Variants in CERS6 observed in about 807,000 individuals in gnomAD.
The protein encoded by CERS6 is ceramide synthase 6.
In CERS6, 26 loss-of-function variants were observed where a neutral mutation model predicts 56.8. That is an observed-to-expected ratio of 0.46 (90% confidence interval 0.34 to 0.63). The LOEUF (loss-of-function observed/expected upper bound fraction) is 0.63. Ranked by LOEUF, CERS6 falls within the 30% of genes least tolerant of loss-of-function variation. CERS6 has a pLI of 0.01. For synonymous variants in CERS6, 164 were observed against 173.3 expected (o/e 0.95, Z 0.42); for missense variants, 415 against 467.5 (o/e 0.89, Z 1.04).
chr2:168,625,627 A>C (rs1478802694), intron 3 of CERS6, among the ~76,000 whole-genome samples: 1 of 152,156 alleles, frequency 6.6e-6, no homozygotes, highest in African/African-American at 2.4e-5. Flanking sequence ...GAAGGAGAGG[A>C]GGTAAAGAAC....
At chr2:168,520,925 A>G (rs1391409820) in intron 1 of CERS6, among the ~76,000 whole-genome samples, 1 of 152,062 alleles carries the variant, frequency 6.6e-6, no homozygotes, top group Non-Finnish European at 1.5e-5. Context: ...CTTTGAATTA[A>G]ATACTGTAAA....
chr2:168,621,229 G>A (rs1183445527), intron 3 of CERS6, among the ~76,000 whole-genome samples: 4 of 152,092 alleles, frequency 2.6e-5, no homozygotes. Flanking sequence ...ATAAACATTT[G>A]GCTACTTTTG....
At chr2:168,748,834 G>T (rs537146513) in intron 8 of CERS6, among the ~76,000 whole-genome samples, 1 of 138,902 alleles carries the variant, frequency 7.2e-6, no homozygotes, top group Non-Finnish European at 1.6e-5. Context: ...TTGGGGGTGG[G>T]GGGGGGGCAG....
chr2:168,665,597 A>G (rs1685737382), intron 4 of CERS6, among the ~76,000 whole-genome samples: 1 of 152,252 alleles, frequency 6.6e-6, no homozygotes, highest in East Asian at 1.9e-4. Context: ...TTTTTCCAAC[A>G]TGCTCATCAC....
intron 4 of CERS6, among the ~76,000 whole-genome samples, chr2:168,671,994 T>C (rs1191929595): frequency 1.3e-5 from 2 of 152,206 alleles, no homozygotes; most frequent in East Asian, 3.8e-4. Flanking sequence ...ACACCTTAGC[T>C]TCATATAAGT....
At chr2:168,669,379 C>T (rs973550918) in intron 4 of CERS6, among the ~76,000 whole-genome samples, 1 of 152,108 alleles carries the variant, frequency 6.6e-6, no homozygotes, top group Non-Finnish European at 1.5e-5. Flanking sequence ...CTTCATAGAC[C>T]AGAACTGAGT....
At chr2:168,722,758 GC>G (rs1295306823) in intron 8 of CERS6, among the ~76,000 whole-genome samples, 4 of 152,166 alleles carry the variant, frequency 2.6e-5, no homozygotes, top group Non-Finnish European at 5.9e-5. Context: ...CGTTTGCACA[GC>G]CCTTTCTCCT....
rs139183778 is a variant in CERS6 at position 168,601,955 on chromosome 2, G to A, written c.408-29030G>A. Reference sequence around the variant, plus strand: ...ATACAGAAGTAGAATATTTTTACATGACTTCTAGAAAAGGAAGCACAGATG... The same window carrying A: ...ATACAGAAGTAGAATATTTTTACATAACTTCTAGAAAAGGAAGCACAGATG... On this transcript the variant is annotated intron_variant, in intron 3 of 9. Coordinates refer to ENST00000305747, the MANE Select transcript of CERS6 (RefSeq NM_203463.3). Among the ~76,000 whole-genome samples the A allele has an allele frequency of 5.8e-3, 877 of 152,234 alleles. 11 individuals carry two copies. The highest frequency in any genetic ancestry group is 0.019 in the African/African-American group (790 of 41,514).
intron 3 of CERS6, among the ~76,000 whole-genome samples, chr2:168,605,209 C>T (rs1180092160): frequency 6.6e-6 from 1 of 152,170 alleles, no homozygotes; most frequent in Non-Finnish European, 1.5e-5. Context: ...TTTTGTTATT[C>T]TTTAGCAAAG....
At chr2:168,694,000 T>C (rs965583000) in intron 5 of CERS6, among the ~76,000 whole-genome samples, 2 of 152,186 alleles carry the variant, frequency 1.3e-5, no homozygotes, top group African/African-American at 4.8e-5. Context: ...TATGCTGCTA[T>C]TGGTGTACAA....
chr2:168,655,067 TG>T (rs1685435354), intron 4 of CERS6, among the ~76,000 whole-genome samples: 1 of 152,134 alleles, frequency 6.6e-6, no homozygotes, highest in Non-Finnish European at 1.5e-5. Context: ...TTTTTAAAAG[TG>T]GGCAAAGGAC....
chr2:168,693,541 A>G (rs1321186766), intron 5 of CERS6, among the ~76,000 whole-genome samples: 2 of 152,128 alleles, frequency 1.3e-5, no homozygotes, highest in Non-Finnish European at 2.9e-5. Flanking sequence ...TCAGCCATCC[A>G]TCTGCCCTGA....
intron 4 of CERS6, among the ~76,000 whole-genome samples, chr2:168,667,932 G>T (rs1404890494): frequency 6.6e-6 from 1 of 152,212 alleles, no homozygotes; most frequent in Admixed American, 6.5e-5. Context: ...GAACAGTCAT[G>T]TGTGACTTGA....
At chr2:168,489,359 A>G (rs1299391318) in intron 1 of CERS6, among the ~76,000 whole-genome samples, 1 of 151,748 alleles carries the variant, frequency 6.6e-6, no homozygotes, top group Admixed American at 6.6e-5. Context: ...AAGTGTGACT[A>G]TTTTTGAGCT....
chr2:168,767,055 A>T (rs957611803), intron 9 of CERS6, among the ~76,000 whole-genome samples: 1 of 152,272 alleles, frequency 6.6e-6, no homozygotes, highest in African/African-American at 2.4e-5. Flanking sequence ...AACTGTCAAT[A>T]TGATAACAAT....
At chr2:168,657,090 A>G (rs1375476491) in intron 4 of CERS6, among the ~76,000 whole-genome samples, 2 of 151,784 alleles carry the variant, frequency 1.3e-5, no homozygotes, top group African/African-American at 2.4e-5. Flanking sequence ...CTTGAGCTAG[A>G]CATAAAGGTT....
At chr2:168,577,607 G>T (rs1247122363) in intron 3 of CERS6, among the ~76,000 whole-genome samples, 1 of 152,196 alleles carries the variant, frequency 6.6e-6, no homozygotes, top group Admixed American at 6.5e-5. Flanking sequence ...GCCTTGCCCA[G>T]GCAGGAGGCG....
chr2:168,721,223 AAC>A (rs1273366709), intron 8 of CERS6, among the ~76,000 whole-genome samples: 1 of 152,208 alleles, frequency 6.6e-6, no homozygotes, highest in Non-Finnish European at 1.5e-5. Context: ...GATCTTTTGT[AAC>A]AGTTCTTTCA....
chr2:168,645,119 ATAT>A (rs1685152034), intron 4 of CERS6, among the ~76,000 whole-genome samples: 1 of 22,810 alleles, frequency 4.4e-5, no homozygotes, highest in African/African-American at 2.0e-4. Context: ...AAAAAAAAAT[ATAT>A]ATATATATAT....
Sources: allele counts gnomAD v4.1 joint callset (sites outside exome capture counted in the v4.1 genomes callset), GRCh38; gene constraint gnomAD v4.1.1; transcripts MANE v1.5; gene names NCBI Gene and HGNC (gene_info 2026-07-23, HGNC 2026-07-21).